The following HTR4 variants were observed in gnomAD, a reference collection of about 807,000 sequenced individuals.
HTR4 encodes the protein 5-hydroxytryptamine receptor 4.
A neutral mutation model predicts 36.8 loss-of-function variants in HTR4; 16 were observed. That is an observed-to-expected ratio of 0.43 (90% confidence interval 0.29 to 0.66). HTR4 has a LOEUF of 0.66. Ranked by LOEUF, HTR4 falls within the 30% of genes least tolerant of loss-of-function variation. HTR4 has a pLI of 0.13. For missense variants in HTR4, 438 were observed against 490.9 expected, an observed-to-expected ratio of 0.89 and a Z score of 1.02; for synonymous variants, 189 against 185.1, an observed-to-expected ratio of 1.02 and a Z score of -0.17.
At chr5:148,466,247 T>A (rs1755425687) in intron 5 of HTR4, among the ~76,000 whole-genome samples, 5 of 152,182 alleles carry the variant, frequency 3.3e-5, no homozygotes. Context: ...TTCCCTCCTG[T>A]AGCTAATCTC....
chr5:148,533,519 CG>C (rs1261904623), intron 4 of HTR4, among the ~76,000 whole-genome samples: 4 of 152,160 alleles, frequency 2.6e-5, no homozygotes, highest in African/African-American at 9.7e-5. Context: ...TAATCCCTTC[CG>C]TGCTCCTTCT....
intron 5 of HTR4, among the ~76,000 whole-genome samples, chr5:148,517,409 C>A (rs1757808157): frequency 6.6e-6 from 1 of 151,870 alleles, no homozygotes; most frequent in Non-Finnish European, 1.5e-5. Context: ...CTAGGAACTG[C>A]AGAATTTGAT....
At chr5:148,464,034 CAAAAAA>C (rs34212190) in intron 5 of HTR4, among the ~76,000 whole-genome samples, 1 of 99,720 alleles carries the variant, frequency 1.0e-5, no homozygotes, top group Non-Finnish European at 2.1e-5. Flanking sequence ...CATTGACATG[CAAAAAA>C]AAAAAAAAAA....
At chr5:148,558,131 G>A (rs1760039540) in intron 2 of HTR4, among the ~76,000 whole-genome samples, 1 of 151,932 alleles carries the variant, frequency 6.6e-6, no homozygotes, top group East Asian at 1.9e-4. Flanking sequence ...TTTTGCAAAG[G>A]AATTACATTT....
intron 2 of HTR4, among the ~76,000 whole-genome samples, chr5:148,566,695 A>G (rs1760454630): frequency 6.6e-6 from 1 of 152,164 alleles, no homozygotes; most frequent in South Asian, 2.1e-4. Flanking sequence ...TGGTATATGT[A>G]TGTGATACAC....
chr5:148,548,579 A>T, intron 4 of HTR4, 89 bp downstream of exon 4: 1 of 1,035,944 alleles, frequency 9.7e-7, no homozygotes, highest in Non-Finnish European at 1.4e-6. Flanking sequence ...CATTTCTTCT[A>T]ATGAATAAGA....
intron 4 of HTR4, among the ~76,000 whole-genome samples, chr5:148,525,768 T>C (rs11951087): frequency 0.012 from 1,813 of 152,320 alleles, 44 homozygotes; most frequent in African/African-American, 0.042. Flanking sequence ...AATTGTGTCC[T>C]TCCTCTTCCA....
chr5:148,505,929 G>A lies in HTR4; in HGVS notation c.1076+3527C>T, dbSNP rs375752859. ...CTCATGGATAGGAAGAATCAATATC[G>A]CGAAAATGGCCATACTGCCCAAGGT... On this transcript the variant is annotated intron_variant, in intron 6 of 6. Transcript: ENST00000377888. Among the ~76,000 whole-genome samples the A allele has an allele frequency of 1.1e-3, 160 of 152,120 alleles. 1 individual carries two copies. The highest frequency in any genetic ancestry group is 3.6e-3 in the African/African-American group (151 of 41,498).
intron 4 of HTR4, among the ~76,000 whole-genome samples, chr5:148,545,713 A>G (rs558394656): frequency 6.6e-6 from 1 of 152,324 alleles, no homozygotes; most frequent in African/African-American, 2.4e-5. Flanking sequence ...AAAGAAGGCC[A>G]AAGCAACTCG....
downstream of HTR4, among the ~76,000 whole-genome samples, chr5:148,477,274 T>C (rs1042077910): frequency 1.3e-5 from 2 of 152,240 alleles, no homozygotes; most frequent in Admixed American, 6.5e-5. Context: ...AATCACTTTC[T>C]GGCTGGCCAA....
At position 148,491,327 on chromosome 5, in the gene HTR4, T is replaced by G. The variant is rs115092643; in HGVS notation, c.1077-8034A>C. Among the ~76,000 whole-genome samples, 317 of 152,142 alleles carry G rather than the reference T, an allele frequency of 2.1e-3. 2 individuals are homozygous for G. Among genetic ancestry groups the G allele is most frequent in the African/African-American group, 7.1e-3 (294 of 41,500 alleles). ...CGCCTTCTACGGCGCTATATATTTT[T>G]TTTTTTTTGGTCTTGCCTTAAGAAT... On this transcript the variant is annotated intron_variant, in intron 6 of 6. Transcript: ENST00000377888.
chr5:148,630,597 A>T (rs1289854476), intron 2 of HTR4, among the ~76,000 whole-genome samples: 1 of 152,188 alleles, frequency 6.6e-6, no homozygotes, highest in African/African-American at 2.4e-5. Context: ...ATTAAGGTCA[A>T]CCAGGTAAGT....
Position 148,481,942 on chromosome 5 carries a change from G to A in HTR4, c.*1261C>T, listed in dbSNP as rs1755905990. 1.8e-6 allele frequency: 2 copies of A among 1,091,442 alleles called. No individual in the cohort carries two copies. The highest frequency in any genetic ancestry group is 4.1e-4 in the Middle Eastern group (1 of 2,438). 67.6% of individuals were successfully genotyped at this position (1,091,442 alleles called of 1,614,324 possible). A position where few individuals can be genotyped will look rare whatever the true frequency, so the allele number is the denominator to read the frequency against. On this transcript the variant is annotated 3_prime_UTR_variant, in exon 7 of 7. Coordinates refer to ENST00000377888, the MANE Select transcript of HTR4 (RefSeq NM_000870.7). ...CAAAGCCAAAAGGCAGGCAGGCCAT[G>A]GCTTCTCGAGGTAGCAGACGGCTAT... is the stretch of plus-strand genomic sequence containing the variant.
intron 1 of HTR4, among the ~76,000 whole-genome samples, chr5:148,648,536 ACAGTATGTG>A (rs1753940992): frequency 6.6e-6 from 1 of 152,246 alleles, no homozygotes; most frequent in East Asian, 1.9e-4. Context: ...ATTACAAGCC[ACAGTATGTG>A]ATTCTCCATC....
At chr5:148,497,753 T>A (rs17108331) in intron 6 of HTR4, among the ~76,000 whole-genome samples, 2,255 of 152,310 alleles carry the variant, frequency 0.015, 58 homozygotes, top group African/African-American at 0.051. Context: ...TCACTGAGAA[T>A]CTGAGTTTGC....
intron 2 of HTR4, among the ~76,000 whole-genome samples, chr5:148,566,829 T>C (rs1409168995): frequency 6.6e-6 from 1 of 152,150 alleles, no homozygotes; most frequent in Non-Finnish European, 1.5e-5. Context: ...ATATTAATAT[T>C]ATCTATATCC....
At chr5:148,456,597 A>G (rs1421284094) in intron 5 of HTR4, among the ~76,000 whole-genome samples, 2 of 152,230 alleles carry the variant, frequency 1.3e-5, no homozygotes, top group Admixed American at 6.5e-5. Flanking sequence ...GAAAGTGAAC[A>G]TCTACAAATG....
intron 6 of HTR4, among the ~76,000 whole-genome samples, chr5:148,486,684 C>T (rs1459419218): frequency 6.6e-6 from 1 of 152,204 alleles, no homozygotes; most frequent in Non-Finnish European, 1.5e-5. Flanking sequence ...TGGGTAATTG[C>T]TTCAAATCTG....
chr5:148,613,477 A>T (rs1752527509), intron 2 of HTR4, among the ~76,000 whole-genome samples: 1 of 152,068 alleles, frequency 6.6e-6, no homozygotes, highest in African/African-American at 2.4e-5. Context: ...ACAAAATTCA[A>T]CAACCCTTCA....
Sources: gnomAD v4.1 joint callset for allele counts (sites outside exome capture counted in the v4.1 genomes callset) on GRCh38, gnomAD v4.1.1 for gene constraint, MANE v1.5 for transcripts, NCBI Gene and HGNC (gene_info 2026-07-23, HGNC 2026-07-21) for gene names.